PLCB4: variants seen among roughly 807,000 people sequenced by gnomAD.
PLCB4 encodes 1-phosphatidylinositol 4,5-bisphosphate phosphodiesterase beta-4.
A neutral mutation model predicts 178.8 loss-of-function variants in PLCB4; 77 were observed. The ratio of observed to expected loss-of-function variants is 0.43; its 90% CI spans 0.36 to 0.52. The LOEUF is 0.52. Ranked by LOEUF, PLCB4 falls within the 20% of genes least tolerant of loss-of-function variation. The pLI, the probability that PLCB4 is intolerant of heterozygous loss-of-function variation, is 0.00. For missense variants in PLCB4, 1,024 were observed against 1,453.4 expected (o/e 0.70, Z 4.80); for synonymous variants, 496 against 490.8 (o/e 1.01, Z -0.14).
At chr20:9,244,578 G>A (rs1390028026) in intron 3 of PLCB4, among the ~76,000 whole-genome samples, 1 of 152,166 alleles carries the variant, frequency 6.6e-6, no homozygotes, top group East Asian at 1.9e-4. Context: ...TGATTGAAGT[G>A]TCAAATGATA....
intron 38 of PLCB4, among the ~76,000 whole-genome samples, chr20:9,473,740 G>C (rs1055430868): frequency 1.1e-4 from 16 of 152,208 alleles, no homozygotes; most frequent in African/African-American, 3.9e-4. Context: ...AAGCAAATGA[G>C]AGAAACCACC....
chr20:9,328,315 C>T (rs2031051015), intron 4 of PLCB4, among the ~76,000 whole-genome samples: 1 of 152,004 alleles, frequency 6.6e-6, no homozygotes. Flanking sequence ...AGCAACAGGT[C>T]AGTAGGAACA....
chr20:9,251,705 GATTACTGGCAATAATAA>G (rs2094182518), intron 3 of PLCB4, among the ~76,000 whole-genome samples: 1 of 151,586 alleles, frequency 6.6e-6, no homozygotes, highest in South Asian at 2.1e-4. Context: ...CCATTAGATG[GATTACTGGCAATAATAA>G]ATGACTGGCA....
intron 30 of PLCB4, among the ~76,000 whole-genome samples, chr20:9,439,830 C>T (rs969533480): frequency 2.0e-5 from 3 of 152,184 alleles, no homozygotes; most frequent in African/African-American, 7.2e-5. Flanking sequence ...GTTTGAAGAC[C>T]ATTAAGTTAT....
At chr20:9,132,020 C>A (rs567861018) in intron 2 of PLCB4, among the ~76,000 whole-genome samples, 1 of 152,272 alleles carries the variant, frequency 6.6e-6, no homozygotes, top group Non-Finnish European at 1.5e-5. Flanking sequence ...TATTGAGTGA[C>A]CTCAGCTACA....
chr20:9,441,904 A>G (rs918813035), intron 30 of PLCB4, among the ~76,000 whole-genome samples: 5 of 125,700 alleles, frequency 4.0e-5, no homozygotes, highest in African/African-American at 1.4e-4. Flanking sequence ...AACTGCACCA[A>G]CACGACTTTT....
rs920702072 is a variant in PLCB4, at chr20:9,367,008, G to A, written c.503+1494G>A. Among the ~76,000 whole-genome samples the A allele has an allele frequency of 5.3e-5, 8 of 152,172 alleles. No homozygotes were observed. The East Asian group carries it at 1.4e-3, about 26-fold the overall frequency. On this transcript the variant is annotated intron_variant, in intron 9 of 39. Coordinates refer to ENST00000378473, the MANE Select transcript of PLCB4 (RefSeq NM_001377142.1). ...GCATTGAGCAGTGGCATGTGCTGTG[G>A]CTCCTGGCATTTCTGACTCTCCTTT...
At chr20:9,104,912 A>G (rs1349388788) in intron 2 of PLCB4, among the ~76,000 whole-genome samples, 4 of 152,112 alleles carry the variant, frequency 2.6e-5, no homozygotes, top group African/African-American at 9.7e-5. Flanking sequence ...TCTGTCTTGT[A>G]CAATAATATA....
Position 9,121,370 on chromosome 20 carries a change from C to A in PLCB4, c.-79+25028C>A, listed in dbSNP as rs537242344. ...TGGCTTCTCCACAGGGCTCTGAACG[C>A]CGCTTACGTGTCGTCCCACCTGTTC... is the stretch of plus-strand genomic sequence containing the variant. On this transcript the variant is annotated intron_variant, in intron 2 of 39. Coordinates refer to ENST00000378473, the MANE Select transcript of PLCB4 (RefSeq NM_001377142.1). 4.3e-3 allele frequency among the ~76,000 whole-genome samples: 648 copies of A among 152,224 alleles called. 3 individuals are homozygous for A. Among genetic ancestry groups the A allele is most frequent in the African/African-American group, 0.014 (589 of 41,542 alleles).
At chr20:9,197,922 C>G (rs1366755778) in intron 2 of PLCB4, among the ~76,000 whole-genome samples, 1 of 152,078 alleles carries the variant, frequency 6.6e-6, no homozygotes, top group Non-Finnish European at 1.5e-5. Context: ...TTGCAGTGAG[C>G]CGAGATTGTG....
At chr20:9,252,356 G>C (rs530017017) in intron 3 of PLCB4, among the ~76,000 whole-genome samples, 21 of 152,256 alleles carry the variant, frequency 1.4e-4, no homozygotes, top group Admixed American at 5.9e-4. Flanking sequence ...TCCTATGCTA[G>C]AGCTACGAAA....
rs777426955 is a variant in PLCB4, at chr20:9,380,048, T to C, written c.745-6T>C. On this transcript the variant is annotated splice_polypyrimidine_tract_variant and splice_region_variant and intron_variant, in intron 12 of 39. Transcript: ENST00000378473. ...CAACCTAAATGGAGTTATTTTCTTA[T>C]CATAGCATCAACGAGATCCTCGATT... 1 of 1,484,724 alleles carries C rather than the reference T, an allele frequency of 6.7e-7. No homozygotes were observed. The highest frequency in any genetic ancestry group is 9.3e-7 in the Non-Finnish European group (1 of 1,069,544). The allele number at this position is 1,484,724 out of a possible 1,614,324, so 92.0% of individuals were successfully genotyped here.
At chr20:9,253,599 C>T (rs770638114) in intron 3 of PLCB4, among the ~76,000 whole-genome samples, 1 of 152,150 alleles carries the variant, frequency 6.6e-6, no homozygotes, top group Non-Finnish European at 1.5e-5. Context: ...TTCAGGTGCT[C>T]ATAATTCTGC....
chr20:9,180,267 G>A (rs1231696757), intron 2 of PLCB4, among the ~76,000 whole-genome samples: 5 of 151,954 alleles, frequency 3.3e-5, no homozygotes, highest in Non-Finnish European at 7.4e-5. Context: ...AAATGATGGT[G>A]TATTAGTCAA....
At chr20:9,476,049 T>C (rs1423763020) in intron 38 of PLCB4, among the ~76,000 whole-genome samples, 1 of 152,222 alleles carries the variant, frequency 6.6e-6, no homozygotes, top group Admixed American at 6.5e-5. Context: ...CCTGTGACCC[T>C]ACTCCTAATC....
intron 14 of PLCB4, among the ~76,000 whole-genome samples, chr20:9,386,108 T>C (rs2037629337): frequency 1.3e-5 from 2 of 152,124 alleles, no homozygotes; most frequent in South Asian, 2.1e-4. Context: ...GAAAAACCAG[T>C]CAGGCGTGGT....
At chr20:9,269,679 C>A (rs1005770711) in intron 3 of PLCB4, among the ~76,000 whole-genome samples, 5 of 150,388 alleles carry the variant, frequency 3.3e-5, no homozygotes, top group African/African-American at 4.9e-5. Context: ...GAGATCAAGG[C>A]AAAGAAAAGA....
chr20:9,393,725 T>A, intron 18 of PLCB4, 47 bp downstream of exon 18: 1 of 1,202,434 alleles, frequency 8.3e-7, no homozygotes, highest in Non-Finnish European at 1.2e-6. Flanking sequence ...ATAACATGTG[T>A]GGACATTTCA....
At chr20:9,318,402 A>G (rs1294506264) in intron 4 of PLCB4, among the ~76,000 whole-genome samples, 1 of 152,032 alleles carries the variant, frequency 6.6e-6, no homozygotes, top group African/African-American at 2.4e-5. Flanking sequence ...AGGTGGGTCC[A>G]GGTGGAGACA....
Sources: allele counts gnomAD v4.1 joint callset (sites outside exome capture counted in the v4.1 genomes callset), GRCh38; gene constraint gnomAD v4.1.1; transcripts MANE v1.5; gene names NCBI Gene and HGNC (gene_info 2026-07-23, HGNC 2026-07-21).